SLC10A5: variants seen among roughly 807,000 people sequenced by gnomAD.
SLC10A5 encodes solute carrier family 10 member 5.
For missense variants in SLC10A5, 475 were observed against 500.7 expected, an observed-to-expected ratio of 0.95 and a Z score of 0.49; for synonymous variants, 181 against 183.7, an observed-to-expected ratio of 0.99 and a Z score of 0.12.
chr8:81,693,959 C>T lies in SLC10A5; in HGVS notation c.1014G>A (p.Leu338=), dbSNP rs1807685845. ...FLKTDNLEVI[L]LGLLVPALGL... ...CCAAAGCAGGAACTAAGAGACCCAA[C>T]AGAATCACCTCTAGATTATCTGTTT... The change falls in exon 1 of 1, where the codon CTG becomes CTA. Residue 338 remains leucine, a synonymous_variant. Coordinates refer to ENST00000518568, the MANE Select transcript of SLC10A5 (RefSeq NM_001010893.3). 6.2e-7 allele frequency: 1 copy of T among 1,613,996 alleles called. No homozygotes were observed. Among genetic ancestry groups the T allele is most frequent in the South Asian group, 1.1e-5 (1 of 91,080 alleles).
Position 81,694,892 on chromosome 8 carries a change from C to T in SLC10A5, c.81G>A (p.Leu27=). The change falls in exon 1 of 1, where the codon CTG becomes CTA. Residue 27 remains leucine, a synonymous_variant. Coordinates refer to ENST00000518568, the MANE Select transcript of SLC10A5 (RefSeq NM_001010893.3). ...EEARMSSLSF[L]NIEKTEILFF... ...ATAGTATTTCAGTCTTCTCTATATT[C>T]AGAAAACTGAGCGATGACATCCTTG... 1 of 1,609,696 alleles carries T rather than the reference C, an allele frequency of 6.2e-7. No individual in the cohort carries two copies. The highest frequency in any genetic ancestry group is 8.5e-7 in the Non-Finnish European group (1 of 1,179,176).
Position 81,694,422 on chromosome 8 carries a change from T to G in SLC10A5, c.551A>C (p.Gln184Pro), listed in dbSNP as rs781109825. Residue 184 changes from glutamine (Q) to proline (P), a missense_variant, in exon 1 of 1, where the codon CAG becomes CCG. Gln to Pro is a moderately conservative substitution (Grantham distance 76). Transcript: ENST00000518568. ...PLPVILGAVT[Q>P]FFLMPFCGFL... The stretch of plus-strand genomic sequence containing the variant: ...CCCGCAAAATGGCATCAGAAAAAAC[T>G]GTGTAACTGCCCCAAGAATTACTGG... 6 of 1,613,842 alleles carry G rather than the reference T, an allele frequency of 3.7e-6. No individual in the cohort carries two copies. The highest frequency in any genetic ancestry group is 4.2e-6 in the Non-Finnish European group (5 of 1,180,010).
chr8:81,694,455 C>G lies in SLC10A5; in HGVS notation c.518G>C (p.Arg173Thr). Residue 173 changes from arginine to threonine, a missense_variant, in exon 1 of 1, where the codon AGA (arginine) becomes ACA (threonine). By Grantham distance (71) the Arg-to-Thr change is moderately conservative. Transcript: ENST00000518568. The stretch of plus-strand genomic sequence containing the variant: ...TGCCCCAAGAATTACTGGCAAAGGT[C>G]TCTTCCATACTGTTTGAAACAGCTG... ...ELQLFQTVWK[R>T]PLPVILGAVT... is the part of the protein sequence containing the mutation. The G allele has an allele frequency of 1.2e-6, 2 of 1,614,222 alleles. No homozygotes were observed. The highest frequency in any genetic ancestry group is 1.7e-6 in the Non-Finnish European group (2 of 1,180,042).
chr8:81,694,987 T>G lies in SLC10A5; in HGVS notation c.-15A>C. The G allele has an allele frequency of 6.6e-7, 1 of 1,519,888 alleles. No individual in the cohort carries two copies. The highest frequency in any genetic ancestry group is 1.3e-5 in the South Asian group (1 of 76,458). The allele number at this position is 1,519,888 out of a possible 1,614,324, so 94.2% of individuals were successfully genotyped here. A position where few individuals can be genotyped will look rare whatever the true frequency, so the allele number is the denominator to read the frequency against. ...TTTCTAATCATTTTGAAAGCTGAAA[T>G]AAATCATATATGCAAAATCGTTTTT... On this transcript the variant is annotated 5_prime_UTR_variant, in exon 1 of 1. Coordinates refer to ENST00000518568, the MANE Select transcript of SLC10A5 (RefSeq NM_001010893.3).
At position 81,694,928 on chromosome 8, in the gene SLC10A5, A is replaced by T. The variant is rs1340142309; in HGVS notation, c.45T>A (p.Thr15=). ...GCGATGACATCCTTGCTTCTTCTAT[A>T]GTCACAAGCAACAAAAGTAGAACAA... ...LFIVLLLLLV[T]IEEARMSSLS... Residue 15 remains threonine, a synonymous_variant, in exon 1 of 1, where the codon ACT becomes ACA. Transcript: ENST00000518568. 1 of 1,584,268 alleles carries T rather than the reference A, an allele frequency of 6.3e-7. No individual in the cohort carries two copies. Among genetic ancestry groups the T allele is most frequent in the Non-Finnish European group, 8.5e-7 (1 of 1,171,992 alleles).
At position 81,694,153 on chromosome 8, in the gene SLC10A5, T is replaced by C; in HGVS notation, c.820A>G (p.Ile274Val). ...SGTFHIPVSK[I>V]VSTLLFILVP... is the part of the protein sequence containing the mutation. ...AGTATGAAAAGGAGTGTTGACACAATTTTAGAAACAGGAATATGGAATGTA... is the reference window on the plus strand; with the variant it reads ...AGTATGAAAAGGAGTGTTGACACAACTTTAGAAACAGGAATATGGAATGTA... The change falls in exon 1 of 1, where the codon ATT becomes GTT. Residue 274 changes from isoleucine (I) to valine (V), a missense_variant. Ile to Val is a conservative substitution (Grantham distance 29). Transcript: ENST00000518568. 6.2e-7 allele frequency: 1 copy of C among 1,614,090 alleles called. No individual in the cohort carries two copies. The highest frequency in any genetic ancestry group is 1.1e-5 in the South Asian group (1 of 91,074).
Position 81,693,631 on chromosome 8 carries a change from T to A in SLC10A5, c.*25A>T. The A allele has an allele frequency of 6.6e-7, 1 of 1,521,012 alleles. No homozygotes were observed. Among genetic ancestry groups the A allele is most frequent in the Non-Finnish European group, 8.9e-7 (1 of 1,125,612 alleles). The allele number at this position is 1,521,012 out of a possible 1,614,324, so 94.2% of individuals were successfully genotyped here. A position where few individuals can be genotyped will look rare whatever the true frequency, so the allele number is the denominator to read the frequency against. Reference sequence around the variant, plus strand: ...CTCTCCCACAGTGCCCTACCCAGAGTAGGAATTCAGTAATGCTTTAATTGT... The same window carrying A: ...CTCTCCCACAGTGCCCTACCCAGAGAAGGAATTCAGTAATGCTTTAATTGT... On this transcript the variant is annotated 3_prime_UTR_variant, in exon 1 of 1. Transcript: ENST00000518568.
At position 81,693,787 on chromosome 8, in the gene SLC10A5, C is replaced by T. The variant is rs1166383069; in HGVS notation, c.1186G>A (p.Ala396Thr). The T allele has an allele frequency of 5.0e-6, 8 of 1,613,986 alleles. No individual in the cohort carries two copies. Among genetic ancestry groups the T allele is most frequent in the Middle Eastern group, 1.6e-4 (1 of 6,084 alleles). ...LSFPQSKANL[A>T]SVAPFTVAMC... ...GCTACTGTAAAAGGAGCCACAGAAG[C>T]TAAATTGGCCTTGGACTGTGGAAAA... is the stretch of plus-strand genomic sequence containing the variant. Residue 396 changes from alanine (A) to threonine (T), a missense_variant, in exon 1 of 1, where the codon GCT becomes ACT. Physicochemically the swap from Ala to Thr is moderately conservative, Grantham distance 58. Transcript: ENST00000518568.
Position 81,694,430 on chromosome 8 carries a change from T to C in SLC10A5, c.543A>G (p.Ala181=). The C allele has an allele frequency of 6.2e-7, 1 of 1,614,136 alleles. No individual in the cohort carries two copies. The highest frequency in any genetic ancestry group is 8.5e-7 in the Non-Finnish European group (1 of 1,180,040). Residue 181 remains alanine (A), a synonymous_variant, in exon 1 of 1, where the codon GCA becomes GCG. Transcript: ENST00000518568. ...ATGGCATCAGAAAAAACTGTGTAAC[T>C]GCCCCAAGAATTACTGGCAAAGGTC... is the stretch of plus-strand genomic sequence containing the variant. ...WKRPLPVILG[A]VTQFFLMPFC... is the part of the protein sequence containing the mutation.
rs751530257 is a variant in SLC10A5, at chr8:81,693,956, C to T, written c.1017G>A (p.Leu339=). The part of the protein sequence containing the change: ...LKTDNLEVIL[L]GLLVPALGLL... ...AACCCAAAGCAGGAACTAAGAGACC[C>T]AACAGAATCACCTCTAGATTATCTG... Residue 339 remains leucine (L), a synonymous_variant, in exon 1 of 1, where the codon TTG becomes TTA. Coordinates refer to ENST00000518568, the MANE Select transcript of SLC10A5 (RefSeq NM_001010893.3). 1.2e-6 allele frequency: 2 copies of T among 1,613,848 alleles called. No homozygotes were observed. Among genetic ancestry groups the T allele is most frequent in the Non-Finnish European group, 1.7e-6 (2 of 1,180,038 alleles).
rs561001927 is a variant in SLC10A5, at chr8:81,694,453, G to A, written c.520C>T (p.Pro174Ser). 3.1e-6 allele frequency: 5 copies of A among 1,614,180 alleles called. No individual in the cohort carries two copies. The South Asian group carries it at 5.5e-5, about 18-fold the overall frequency. ...LQLFQTVWKR[P>S]LPVILGAVTQ... ...ACTGCCCCAAGAATTACTGGCAAAG[G>A]TCTCTTCCATACTGTTTGAAACAGC... The change falls in exon 1 of 1, where the codon CCT becomes TCT. Residue 174 changes from proline to serine, a missense_variant. By Grantham distance (74) the Pro-to-Ser change is moderately conservative. Transcript: ENST00000518568.
Position 81,694,669 on chromosome 8 carries a change from T to A in SLC10A5, c.304A>T (p.Ile102Phe), listed in dbSNP as rs771492970. The change falls in exon 1 of 1, where the codon ATT becomes TTT. Residue 102 changes from isoleucine to phenylalanine, a missense_variant. Coordinates refer to ENST00000518568, the MANE Select transcript of SLC10A5 (RefSeq NM_001010893.3). ...TDEEGETNVT[I>F]QLWDSEGRQE... Reference sequence around the variant, plus strand: ...CTACCTTCAGAATCCCAGAGTTGAATAGTCACATTTGTTTCTCCTTCTTCA... The same window carrying A: ...CTACCTTCAGAATCCCAGAGTTGAAAAGTCACATTTGTTTCTCCTTCTTCA... 6.2e-7 allele frequency: 1 copy of A among 1,613,908 alleles called. No individual in the cohort carries two copies. The highest frequency in any genetic ancestry group is 8.5e-7 in the Non-Finnish European group (1 of 1,180,032).
chr8:81,694,349 T>C lies in SLC10A5; in HGVS notation c.624A>G (p.Gly208=), dbSNP rs776400221. 11 of 1,612,440 alleles carry C rather than the reference T, an allele frequency of 6.8e-6. No individual in the cohort carries two copies. Among genetic ancestry groups the C allele is most frequent in the Non-Finnish European group, 6.8e-6 (8 of 1,179,846 alleles). The change falls in exon 1 of 1, where the codon GGA becomes GGG. Residue 208 remains glycine (G), a synonymous_variant. Coordinates refer to ENST00000518568, the MANE Select transcript of SLC10A5 (RefSeq NM_001010893.3). ...IVALPEAQAF[G]VVMTCTCPGG... ...CTGGGCACGTGCAGGTCATTACAAC[T>C]CCAAAAGCTTGCGCCTCAGGCAATG...
Position 81,694,528 on chromosome 8 carries a change from G to A in SLC10A5, c.445C>T (p.Pro149Ser). Reference sequence around the variant, plus strand: ...GCACACTTATTCAATAGTATTAGTGGTAAAATAAGCATTAGGATATTTCTA... The same window carrying A: ...GCACACTTATTCAATAGTATTAGTGATAAAATAAGCATTAGGATATTTCTA... ...IDRNILMLIL[P>S]LILLNKCAFG... Residue 149 changes from proline (P) to serine (S), a missense_variant, in exon 1 of 1, where the codon CCA becomes TCA. Coordinates refer to ENST00000518568, the MANE Select transcript of SLC10A5 (RefSeq NM_001010893.3). 3 of 1,614,156 alleles carry A rather than the reference G, an allele frequency of 1.9e-6. No homozygotes were observed. Among genetic ancestry groups the A allele is most frequent in the Non-Finnish European group, 2.5e-6 (3 of 1,180,034 alleles).
chr8:81,694,495 A>C lies in SLC10A5; in HGVS notation c.478T>G (p.Cys160Gly). ...TGAAACAGCTGTAATTCAATCTTACAACCAAATGCACACTTATTCAATAGT... is the reference window on the plus strand; with the variant it reads ...TGAAACAGCTGTAATTCAATCTTACCACCAAATGCACACTTATTCAATAGT... Reference protein sequence around the residue: ...LILLNKCAFGCKIELQLFQTV... With the variant: ...LILLNKCAFGGKIELQLFQTV... Residue 160 changes from cysteine to glycine, a missense_variant, in exon 1 of 1, where the codon TGT (cysteine) becomes GGT (glycine). Transcript: ENST00000518568. 6.2e-7 allele frequency: 1 copy of C among 1,614,236 alleles called. No individual in the cohort carries two copies. Among genetic ancestry groups the C allele is most frequent in the Non-Finnish European group, 8.5e-7 (1 of 1,180,050 alleles).
Position 81,694,131 on chromosome 8 carries a change from A to G in SLC10A5, c.842T>C (p.Ile281Thr), listed in dbSNP as rs1283833424. 1.2e-6 allele frequency: 2 copies of G among 1,614,154 alleles called. No individual in the cohort carries two copies. Among genetic ancestry groups the G allele is most frequent in the Non-Finnish European group, 8.5e-7 (1 of 1,180,016 alleles). Residue 281 changes from isoleucine (I) to threonine (T), a missense_variant, in exon 1 of 1, where the codon ATA becomes ACA. Transcript: ENST00000518568. ...TATTCCAATTGATACTGGCACAAGT[A>G]TGAAAAGGAGTGTTGACACAATTTT... is the stretch of plus-strand genomic sequence containing the variant. ...VSKIVSTLLF[I>T]LVPVSIGIVI...
chr8:81,694,261 T>A lies in SLC10A5; in HGVS notation c.712A>T (p.Met238Leu). The A allele has an allele frequency of 1.2e-6, 2 of 1,614,130 alleles. No individual in the cohort carries two copies. The highest frequency in any genetic ancestry group is 1.7e-6 in the Non-Finnish European group (2 of 1,180,032). The change falls in exon 1 of 1, where the codon ATG (methionine) becomes TTG (leucine). Residue 238 changes from methionine (M) to leucine (L), a missense_variant. Physicochemically the swap from Met to Leu is conservative, Grantham distance 15. Coordinates refer to ENST00000518568, the MANE Select transcript of SLC10A5 (RefSeq NM_001010893.3). The part of the protein sequence containing the change: ...LDGDFTLAIL[M>L]TCTSTLLALI... ...GCCAATAATGTTGATGTGCAAGTCA[T>A]CAAAATGGCCAATGTGAAATCTCCA...
chr8:81,693,879 C>T lies in SLC10A5; in HGVS notation c.1094G>A (p.Cys365Tyr), dbSNP rs780072967. 4 of 1,613,668 alleles carry T rather than the reference C, an allele frequency of 2.5e-6. No individual in the cohort carries two copies. Among genetic ancestry groups the T allele is most frequent in the East Asian group, 4.5e-5 (2 of 44,878 alleles). The change falls in exon 1 of 1, where the codon TGT (cysteine) becomes TAT (tyrosine). Residue 365 changes from cysteine to tyrosine, a missense_variant. By Grantham distance (194) the Cys-to-Tyr change is radical. Coordinates refer to ENST00000518568, the MANE Select transcript of SLC10A5 (RefSeq NM_001010893.3). ...AKVCTLPLPVCKTVAIESGML... is the reference protein window; with the variant it reads ...AKVCTLPLPVYKTVAIESGML... ...CCCACTTTCAATAGCAACAGTTTTA[C>T]AAACAGGAAGAGGCAGCGTACAAAC...
Position 81,694,454 on chromosome 8 carries a change from T to C in SLC10A5, c.519A>G (p.Arg173=). ...CTGCCCCAAGAATTACTGGCAAAGG[T>C]CTCTTCCATACTGTTTGAAACAGCT... The part of the protein sequence containing the change: ...ELQLFQTVWK[R]PLPVILGAVT... Residue 173 remains arginine, a synonymous_variant, in exon 1 of 1, where the codon AGA becomes AGG. Coordinates refer to ENST00000518568, the MANE Select transcript of SLC10A5 (RefSeq NM_001010893.3). The C allele has an allele frequency of 6.2e-7, 1 of 1,614,186 alleles. No homozygotes were observed. The highest frequency in any genetic ancestry group is 8.5e-7 in the Non-Finnish European group (1 of 1,180,034).
Sources: allele counts gnomAD v4.1 joint callset, GRCh38; gene constraint gnomAD v4.1.1; transcripts MANE v1.5; gene names NCBI Gene and HGNC (gene_info 2026-07-23, HGNC 2026-07-21).